The following CASZ1 variants were observed in gnomAD, a reference collection of about 807,000 sequenced individuals.
CASZ1 encodes castor zinc finger 1, also known as zinc finger protein castor homolog 1.
CASZ1 carries 28 observed loss-of-function variants against 135.2 expected under a neutral mutation model. That is an observed-to-expected ratio of 0.21 (90% CI 0.15 to 0.28). The LOEUF is 0.28. Among genes scored for constraint, CASZ1 ranks in the 10% least tolerant of loss-of-function variants. The pLI is 1.00. For missense variants in CASZ1, 2,161 were observed against 2,453.3 expected, an observed-to-expected ratio of 0.88 and a Z score of 2.52; for synonymous variants, 1,068 against 1,073.4, an observed-to-expected ratio of 0.99 and a Z score of 0.10.
intron 4 of CASZ1, among the ~76,000 whole-genome samples, chr1:10,667,598 G>A (rs893770478): frequency 7.2e-5 from 11 of 152,202 alleles, no homozygotes; most frequent in African/African-American, 2.7e-4. Flanking sequence ...AGGCCTCCGG[G>A]GAAGCGGGCC....
Position 10,775,269 on chromosome 1 carries a change from A to G in CASZ1, c.-233-14412T>C, listed in dbSNP as rs1160832594. Among the ~76,000 whole-genome samples the G allele has an allele frequency of 1.3e-5, 2 of 152,174 alleles. 1 individual carries two copies. The highest frequency in any genetic ancestry group is 4.1e-4 in the South Asian group (2 of 4,830). On this transcript the variant is annotated intron_variant, in intron 1 of 20. Coordinates refer to ENST00000377022, the MANE Select transcript of CASZ1 (RefSeq NM_001079843.3). ...AGATCCAACCTGAATTCTTCACCCA[A>G]AACTCAAAATGAAACTCTCCTATCA...
Position 10,651,048 on chromosome 1 carries a change from C to T in CASZ1, c.2709G>A (p.Arg903=). The change falls in exon 12 of 21, where the codon AGG becomes AGA. Residue 903 remains arginine, a synonymous_variant. Transcript: ENST00000377022. Reference sequence around the variant, plus strand: ...CCGGCTTCACTTGGGCCGGGGGGAACCTGGCTGGGGTGACCTGCTGCCCGC... The same window carrying T: ...CCGGCTTCACTTGGGCCGGGGGGAATCTGGCTGGGGTGACCTGCTGCCCGC... ...PGSGQQVTPA[R]FPPAQVKPEP... is the part of the protein sequence containing the mutation. 2 of 1,548,062 alleles carry T rather than the reference C, an allele frequency of 1.3e-6. No individual in the cohort carries two copies. Among genetic ancestry groups the T allele is most frequent in the Admixed American group, 2.3e-5 (1 of 43,594 alleles).
rs551571873 is a variant in CASZ1 at position 10,726,552 on chromosome 1, C to A, written c.-76-21008G>T. 6.6e-6 allele frequency among the ~76,000 whole-genome samples: 1 copy of A among 152,352 alleles called. No individual in the cohort carries two copies. Among genetic ancestry groups the A allele is most frequent in the African/African-American group, 2.4e-5 (1 of 41,584 alleles). On this transcript the variant is annotated intron_variant, in intron 2 of 20. Transcript: ENST00000377022. The surrounding 1 kb of genome is among the most constrained non-coding windows in gnomAD (Gnocchi z 5.7). Reference sequence around the variant, plus strand: ...CTCAGGCCAAGCTGAAGGCTGCATGCCAATCCGGCCAGAGGAAACACCGGG... The same window carrying A: ...CTCAGGCCAAGCTGAAGGCTGCATGACAATCCGGCCAGAGGAAACACCGGG...
intron 2 of CASZ1, among the ~76,000 whole-genome samples, chr1:10,751,685 G>T (rs1299545063): frequency 1.3e-5 from 2 of 152,148 alleles, no homozygotes; most frequent in Non-Finnish European, 2.9e-5. Context: ...AGCGGAAGAG[G>T]TTCCCACTCG....
At position 10,653,467 on chromosome 1, in the gene CASZ1, C is replaced by G; in HGVS notation, c.2590G>C (p.Glu864Gln). The stretch of plus-strand genomic sequence containing the variant: ...AGGCCCTTGCTTGCAGAGATCCTCT[C>G]CATGATGGAGGCGGGTGGTGCCGGG... ...SVPAPPASIM[E>Q]RISASKGLIS... Residue 864 changes from glutamate (E) to glutamine (Q), a missense_variant, in exon 11 of 21, where the codon GAG becomes CAG. Physicochemically the swap from Glu to Gln is conservative, Grantham distance 29 (BLOSUM62 2). Transcript: ENST00000377022. The G allele has an allele frequency of 6.2e-7, 1 of 1,613,300 alleles. No homozygotes were observed. The highest frequency in any genetic ancestry group is 8.5e-7 in the Non-Finnish European group (1 of 1,179,974).
In CASZ1 at chr1:10,647,476, C is replaced by T. The variant is rs1642397261; in HGVS notation, c.3497+325G>A. On this transcript the variant is annotated intron_variant, in intron 16 of 20. Coordinates refer to ENST00000377022, the MANE Select transcript of CASZ1 (RefSeq NM_001079843.3). The surrounding 1 kb of genome is among the most constrained non-coding windows in gnomAD (Gnocchi z 4.9). ...AGGCTCGGAGGGAGACGCAGCCCTCCTTGTCAGGCTGGGAGTTGTCCTCTG... is the reference window on the plus strand; with the variant it reads ...AGGCTCGGAGGGAGACGCAGCCCTCTTTGTCAGGCTGGGAGTTGTCCTCTG... 1 of 1,246,568 alleles carries T rather than the reference C, an allele frequency of 8.0e-7. No individual in the cohort carries two copies. Among genetic ancestry groups the T allele is most frequent in the Non-Finnish European group, 1.0e-6 (1 of 984,580 alleles). The allele number at this position is 1,246,568 out of a possible 1,614,324, so 77.2% of individuals were successfully genotyped here.
chr1:10,731,096 A>T (rs1466877151), intron 2 of CASZ1, among the ~76,000 whole-genome samples: 2 of 121,252 alleles, frequency 1.6e-5, no homozygotes, highest in East Asian at 4.0e-4. Context: ...ACAGAGCTAG[A>T]CTCCGTCTAA....
chr1:10,770,625 G>T (rs558768612), intron 1 of CASZ1, among the ~76,000 whole-genome samples: 1 of 152,182 alleles, frequency 6.6e-6, no homozygotes, highest in African/African-American at 2.4e-5. Context: ...CCACTGCCCA[G>T]ATGCCCTGCA....
chr1:10,795,380 C>A (rs185235815), intron 1 of CASZ1, among the ~76,000 whole-genome samples: 162 of 152,338 alleles, frequency 1.1e-3, no homozygotes, highest in African/African-American at 3.6e-3. Context: ...CTATTTCAGC[C>A]CTGTGCCCTT....
At chr1:10,705,015 C>A (rs77134404) in intron 3 of CASZ1, among the ~76,000 whole-genome samples, 1 of 152,244 alleles carries the variant, frequency 6.6e-6, no homozygotes, top group Non-Finnish European at 1.5e-5. Context: ...GAGGAAGCCA[C>A]TAGGGGTGGC....
chr1:10,709,691 C>G lies in CASZ1; in HGVS notation c.-76-4147G>C, dbSNP rs561338232. ...GCGAATCAAAGTGCTGCCCGGAGGA[C>G]GGCTGGGGAGAGAAAGGCCCCAGGC... is the stretch of plus-strand genomic sequence containing the variant. On this transcript the variant is annotated intron_variant, in intron 2 of 20. Transcript: ENST00000377022. The surrounding 1 kb of genome is among the most constrained non-coding windows in gnomAD (Gnocchi z 5.1). Among the ~76,000 whole-genome samples, 1 of 152,042 alleles carries G rather than the reference C, an allele frequency of 6.6e-6. No individual in the cohort carries two copies. Among genetic ancestry groups the G allele is most frequent in the Non-Finnish European group, 1.5e-5 (1 of 68,012 alleles).
At chr1:10,688,404 A>T (rs1446073050) in intron 4 of CASZ1, among the ~76,000 whole-genome samples, 2 of 152,130 alleles carry the variant, frequency 1.3e-5, no homozygotes. Context: ...GTGGTTGCAA[A>T]ATGGGAAGCA....
rs1006456585 is a variant in CASZ1, at chr1:10,735,462, G to A, written c.-77+25239C>T. 3.3e-5 allele frequency among the ~76,000 whole-genome samples: 5 copies of A among 152,006 alleles called. No homozygotes were observed. Among genetic ancestry groups the A allele is most frequent in the South Asian group, 4.1e-4 (2 of 4,820 alleles). On this transcript the variant is annotated intron_variant, in intron 2 of 20. Coordinates refer to ENST00000377022, the MANE Select transcript of CASZ1 (RefSeq NM_001079843.3). This position sits in a 1 kb window ranked among gnomAD's most constrained non-coding sequence, Gnocchi z 5.1. Reference sequence around the variant, plus strand: ...GCCAGGGCTGCCTCCCTCTGCTCCCGCTGCCACTTGCAGGCTCAGCCAGCT... The same window carrying A: ...GCCAGGGCTGCCTCCCTCTGCTCCCACTGCCACTTGCAGGCTCAGCCAGCT...
rs1640386428 is a variant in CASZ1 at position 10,762,054 on chromosome 1, GCC to G, written c.-233-1199_-233-1198del. Among the ~76,000 whole-genome samples the G allele has an allele frequency of 6.6e-6, 1 of 152,172 alleles. No homozygotes were observed. The highest frequency in any genetic ancestry group is 1.5e-5 in the Non-Finnish European group (1 of 68,020). ...GCTGCCCTGCAGGTTCTCCAACTTGGCCCGGCCCTCAGAGTCCCCGGAGGCCT... is the reference window on the plus strand; with the variant it reads ...GCTGCCCTGCAGGTTCTCCAACTTGGCGGCCCTCAGAGTCCCCGGAGGCCT... On this transcript the variant is annotated intron_variant, in intron 1 of 20. Coordinates refer to ENST00000377022, the MANE Select transcript of CASZ1 (RefSeq NM_001079843.3). The surrounding 1 kb of genome is among the most constrained non-coding windows in gnomAD (Gnocchi z 4.1).
Position 10,653,551 on chromosome 1 carries a change from T to C in CASZ1, c.2506A>G (p.Thr836Ala). ...GCTCCCGAGGCGACCAGCGTGGGTG[T>C]GTCAGGGGTGGCTGAGGCTGCTGAC... is the stretch of plus-strand genomic sequence containing the variant. The part of the protein sequence containing the change: ...SGSAASATPD[T>A]PTLVASGAGD... Residue 836 changes from threonine to alanine, a missense_variant, in exon 11 of 21, where the codon ACA becomes GCA. Physicochemically the swap from Thr to Ala is moderately conservative, Grantham distance 58 (BLOSUM62 0). Transcript: ENST00000377022. The C allele has an allele frequency of 6.3e-7, 1 of 1,586,572 alleles. No individual in the cohort carries two copies.
In CASZ1 at chr1:10,774,720, C is replaced by G. The variant is rs1196384388; in HGVS notation, c.-233-13863G>C. Among the ~76,000 whole-genome samples, 1 of 152,092 alleles carries G rather than the reference C, an allele frequency of 6.6e-6. No homozygotes were observed. The highest frequency in any genetic ancestry group is 2.4e-5 in the African/African-American group (1 of 41,402). On this transcript the variant is annotated intron_variant, in intron 1 of 20. Transcript: ENST00000377022. The surrounding 1 kb of genome is among the most constrained non-coding windows in gnomAD (Gnocchi z 4.4). ...GACCCCTCTCTTCCCCAAGTGTGAC[C>G]CTGTAGGCCTAGAGGAACCACCAGG...
chr1:10,765,288 G>C (rs564775767), intron 1 of CASZ1, among the ~76,000 whole-genome samples: 1 of 151,732 alleles, frequency 6.6e-6, no homozygotes, highest in African/African-American at 2.4e-5. Flanking sequence ...AGCCCGGGGT[G>C]GGGAGAGGAC....
At chr1:10,670,098 C>A (rs1262935140) in intron 4 of CASZ1, among the ~76,000 whole-genome samples, 3 of 152,118 alleles carry the variant, frequency 2.0e-5, no homozygotes, top group Admixed American at 6.5e-5. Context: ...TGGGGGTGGG[C>A]TGGGGCCCTG....
At chr1:10,653,270 C>T (rs754787393) in intron 11 of CASZ1, 107 bp downstream of exon 11, 17 of 1,148,998 alleles carry the variant, frequency 1.5e-5, no homozygotes, top group East Asian at 4.7e-5. Context: ...AGGGGCCACA[C>T]GGACACTTCT....
Sources: allele counts gnomAD v4.1 joint callset (sites outside exome capture counted in the v4.1 genomes callset), GRCh38; gene constraint gnomAD v4.1.1; non-coding constraint Gnocchi (gnomAD v3.1); transcripts MANE v1.5; gene names NCBI Gene and HGNC (gene_info 2026-07-23, HGNC 2026-07-21).